Variants in DSCAM observed in about 807,000 individuals in gnomAD.
DSCAM encodes DS cell adhesion molecule, also known as cell adhesion molecule DSCAM.
In DSCAM, 47 loss-of-function variants were observed where a neutral mutation model predicts 217.7. That is an observed-to-expected ratio of 0.22 (90% confidence interval 0.17 to 0.28). DSCAM has a LOEUF of 0.28. Ranked by LOEUF, DSCAM falls within the 10% of genes least tolerant of loss-of-function variation. The pLI is 1.00. For missense variants in DSCAM, 2,080 were observed against 2,618.3 expected (o/e 0.79, Z 4.49); for synonymous variants, 1,056 against 1,015.3 (o/e 1.04, Z -0.76).
chr21:40,764,275 G>A (rs2091364427), intron 1 of DSCAM, among the ~76,000 whole-genome samples: 1 of 151,166 alleles, frequency 6.6e-6, no homozygotes, highest in African/African-American at 2.4e-5. Context: ...CCATCAAAAA[G>A]TGGGTCAAGT....
chr21:40,644,614 C>A (rs1403625639), intron 3 of DSCAM, among the ~76,000 whole-genome samples: 1 of 152,154 alleles, frequency 6.6e-6, no homozygotes, highest in Admixed American at 6.5e-5. Context: ...GAAAGGGCAC[C>A]TAGGGGTGTT....
chr21:40,242,391 G>A (rs1359124278), intron 11 of DSCAM, among the ~76,000 whole-genome samples: 3 of 152,208 alleles, frequency 2.0e-5, no homozygotes, highest in Admixed American at 6.5e-5. Flanking sequence ...TTTAGCCAAT[G>A]AGCTGTGAGT....
intron 3 of DSCAM, chr21:40,621,156 C>G (rs1352389240): frequency 6.6e-6 from 1 of 152,028 alleles, no homozygotes. Context: ...TAGTGTGACT[C>G]TAAGCATATG....
intron 3 of DSCAM, among the ~76,000 whole-genome samples, chr21:40,559,945 T>C (rs1004008734): frequency 1.0e-3 from 157 of 151,888 alleles, no homozygotes; most frequent in Non-Finnish European, 1.6e-3. Flanking sequence ...GGCGCCCAAC[T>C]ACCATGCCCG....
chr21:40,394,657 G>A lies in DSCAM; in HGVS notation c.509-25412C>T, dbSNP rs577324546. ...ACCCTGCACAGAAGTATTTACAGAA[G>A]AGTGAGAAAATTCTTCCTAGCAGGG... is the stretch of plus-strand genomic sequence containing the variant. On this transcript the variant is annotated intron_variant, in intron 3 of 32. Coordinates refer to ENST00000400454, the MANE Select transcript of DSCAM (RefSeq NM_001389.5). 2.6e-5 allele frequency among the ~76,000 whole-genome samples: 4 copies of A among 152,334 alleles called. No individual in the cohort carries two copies. In the South Asian group the frequency reaches 8.3e-4, roughly 32 times the overall value.
chr21:40,655,485 C>T (rs1305659595), intron 3 of DSCAM, among the ~76,000 whole-genome samples: 1 of 151,114 alleles, frequency 6.6e-6, no homozygotes, highest in Non-Finnish European at 1.5e-5. Flanking sequence ...CTCTGTCACC[C>T]AGGCTGGAGC....
rs201971238 is a variant in DSCAM, at chr21:40,782,166, A to G, written c.43+64453T>C. Among the ~76,000 whole-genome samples the G allele has an allele frequency of 5.2e-4, 78 of 151,402 alleles. 1 individual carries two copies. In the East Asian group the frequency reaches 9.1e-3, roughly 18 times the overall value. ...AGCCTGGGCGACAGAGCGAGACTCCATCTCAAAAACAAAAAACAACAAAAA... is the reference window on the plus strand; with the variant it reads ...AGCCTGGGCGACAGAGCGAGACTCCGTCTCAAAAACAAAAAACAACAAAAA... On this transcript the variant is annotated intron_variant, in intron 1 of 32. Transcript: ENST00000400454.
chr21:40,160,467 CAT>C (rs946812134), intron 16 of DSCAM, among the ~76,000 whole-genome samples: 14 of 152,214 alleles, frequency 9.2e-5, no homozygotes, highest in South Asian at 8.3e-4. Context: ...ATGAATATTA[CAT>C]GTTTGTATAT....
chr21:40,496,881 C>T (rs930792535), intron 3 of DSCAM, among the ~76,000 whole-genome samples: 1 of 152,086 alleles, frequency 6.6e-6, no homozygotes, highest in African/African-American at 2.4e-5. Flanking sequence ...CCAATCGATA[C>T]ATGAAAAAAT....
intron 3 of DSCAM, among the ~76,000 whole-genome samples, chr21:40,565,648 G>A (rs777954782): frequency 1.3e-4 from 20 of 152,138 alleles, no homozygotes; most frequent in Non-Finnish European, 2.8e-4. Flanking sequence ...GGGGCTTCAA[G>A]ATGTCCCAGA....
At chr21:40,178,839 A>C in intron 15 of DSCAM, 88 bp downstream of exon 15, 1 of 1,542,568 alleles carries the variant, frequency 6.5e-7, no homozygotes. Flanking sequence ...AGCACGGGCA[A>C]AGGTCTGCTT....
At chr21:40,242,150 T>C (rs1436677103) in intron 11 of DSCAM, among the ~76,000 whole-genome samples, 1 of 140,082 alleles carries the variant, frequency 7.1e-6, no homozygotes, top group African/African-American at 2.6e-5. Flanking sequence ...AACCTAAAAG[T>C]TTTTTTTTTT....
intron 1 of DSCAM, among the ~76,000 whole-genome samples, chr21:40,817,477 G>T (rs2091889780): frequency 6.6e-6 from 1 of 152,226 alleles, no homozygotes. Context: ...CCTGGAAGAA[G>T]AATATGACAT....
At chr21:40,653,543 G>A (rs766790115) in intron 3 of DSCAM, among the ~76,000 whole-genome samples, 10 of 152,220 alleles carry the variant, frequency 6.6e-5, no homozygotes, top group East Asian at 5.8e-4. Context: ...GATGCCGGCC[G>A]TGAATTGGTA....
chr21:40,709,803 T>G (rs533784179), intron 1 of DSCAM, among the ~76,000 whole-genome samples: 17 of 152,332 alleles, frequency 1.1e-4, no homozygotes, highest in Non-Finnish European at 2.4e-4. Context: ...TAAACATATG[T>G]GTGCATGTGT....
At chr21:40,674,077 T>C (rs1346149839) in intron 3 of DSCAM, among the ~76,000 whole-genome samples, 1 of 152,242 alleles carries the variant, frequency 6.6e-6, no homozygotes, top group Admixed American at 6.5e-5. Flanking sequence ...TTGCTTAATG[T>C]ATTATTTCCT....
At chr21:40,408,887 G>A (rs1434075366) in intron 3 of DSCAM, among the ~76,000 whole-genome samples, 1 of 152,148 alleles carries the variant, frequency 6.6e-6, no homozygotes, top group Non-Finnish European at 1.5e-5. Flanking sequence ...TTCTCTAATA[G>A]GTAGCAATCT....
chr21:40,443,005 G>C (rs1283595973), intron 3 of DSCAM, among the ~76,000 whole-genome samples: 1 of 152,184 alleles, frequency 6.6e-6, no homozygotes, highest in African/African-American at 2.4e-5. Flanking sequence ...TTGTTATAAA[G>C]TATTAGATGA....
chr21:40,662,457 C>T lies in DSCAM; in HGVS notation c.508+30353G>A, dbSNP rs148415567. Among the ~76,000 whole-genome samples the T allele has an allele frequency of 8.5e-5, 13 of 152,264 alleles. No individual in the cohort carries two copies. In the East Asian group the frequency reaches 2.3e-3, roughly 27 times the overall value. On this transcript the variant is annotated intron_variant, in intron 3 of 32. Coordinates refer to ENST00000400454, the MANE Select transcript of DSCAM (RefSeq NM_001389.5). ...TTTTGGCCATAAGTGACGCAAAGTC[C>T]AAATCTTAACACTCTTCTCCCAACA... is the stretch of plus-strand genomic sequence containing the variant.
Sources: gnomAD v4.1 joint callset for allele counts (sites outside exome capture counted in the v4.1 genomes callset) on GRCh38, gnomAD v4.1.1 for gene constraint, MANE v1.5 for transcripts, NCBI Gene and HGNC (gene_info 2026-07-23, HGNC 2026-07-21) for gene names.